The following HLCS variants were observed in gnomAD, a reference collection of about 807,000 sequenced individuals.
The protein encoded by HLCS is biotin--protein ligase.
Under a neutral mutation model 75.0 loss-of-function variants are expected in HLCS, and 53 were observed. The ratio of observed to expected loss-of-function variants is 0.71; its 90% confidence interval spans 0.57 to 0.89. The LOEUF is 0.89. Ranked by LOEUF, HLCS falls within the 40% of genes least tolerant of loss-of-function variation. The probability of loss-of-function intolerance (pLI) is 0.00; values close to 1 mark genes in which losing one functional copy is unlikely to be tolerated. For missense variants in HLCS, 966 were observed against 1,074.0 expected, an observed-to-expected ratio of 0.90 and a Z score of 1.41; for synonymous variants, 431 against 428.6, an observed-to-expected ratio of 1.01 and a Z score of -0.07.
At chr21:36,870,133 G>A (rs953400591) in intron 6 of HLCS, among the ~76,000 whole-genome samples, 7 of 152,146 alleles carry the variant, frequency 4.6e-5, no homozygotes, top group African/African-American at 1.2e-4. Context: ...TGTCAGCAGC[G>A]AAACCTGGTT....
chr21:36,877,439 T>C (rs1160993005), intron 6 of HLCS, among the ~76,000 whole-genome samples: 1 of 152,172 alleles, frequency 6.6e-6, no homozygotes, highest in Non-Finnish European at 1.5e-5. Context: ...GGGATTACAA[T>C]GTACATCCTT....
intron 6 of HLCS, among the ~76,000 whole-genome samples, chr21:36,787,682 C>T (rs1601247039): frequency 6.6e-6 from 1 of 152,122 alleles, no homozygotes; most frequent in African/African-American, 2.4e-5. Flanking sequence ...CACAACCAGG[C>T]GCTGCTTCCT....
Position 36,841,771 on chromosome 21 carries a change from T to C in HLCS, c.1892+55089A>G, listed in dbSNP as rs1357443669. On this transcript the variant is annotated intron_variant, in intron 6 of 10. Coordinates refer to ENST00000674895, the MANE Select transcript of HLCS (RefSeq NM_001352514.2). ...ACGTGAGCTATGTTCCTCAACTGGC[T>C]GGGCTCTGTTCTGCAGCCACAGGGT... 2.0e-5 allele frequency among the ~76,000 whole-genome samples: 3 copies of C among 152,226 alleles called. No homozygotes were observed. The East Asian group carries it at 5.8e-4, about 29-fold the overall frequency.
At chr21:36,848,655 T>C (rs902489805) in intron 6 of HLCS, among the ~76,000 whole-genome samples, 5 of 152,238 alleles carry the variant, frequency 3.3e-5, no homozygotes, top group Admixed American at 2.0e-4. Flanking sequence ...ACCTGTTTCA[T>C]AGTGCTGCTT....
At chr21:36,801,995 C>G (rs999934717) in intron 6 of HLCS, among the ~76,000 whole-genome samples, 2 of 151,992 alleles carry the variant, frequency 1.3e-5, no homozygotes, top group South Asian at 4.1e-4. Context: ...TCTTTAATAA[C>G]AATATTCATA....
chr21:36,802,211 G>A (rs2061225624), intron 6 of HLCS, among the ~76,000 whole-genome samples: 1 of 152,154 alleles, frequency 6.6e-6, no homozygotes, highest in Admixed American at 6.5e-5. Flanking sequence ...AACTTGGGAT[G>A]CCGCCATTTT....
At chr21:36,767,437 G>A in intron 6 of HLCS, 152 bp from the exon 7 acceptor site, 1 of 743,612 alleles carries the variant, frequency 1.3e-6, no homozygotes, top group Non-Finnish European at 2.5e-6. Context: ...GGAATGTGGA[G>A]CCATGAGGGA....
At chr21:36,891,846 C>G (rs1262687817) in intron 6 of HLCS, among the ~76,000 whole-genome samples, 1 of 152,108 alleles carries the variant, frequency 6.6e-6, no homozygotes, top group Non-Finnish European at 1.5e-5. Flanking sequence ...TCCCTGCAGC[C>G]CCAGCAGGAG....
At chr21:36,785,678 C>T (rs1260503334) in intron 6 of HLCS, among the ~76,000 whole-genome samples, 1 of 152,136 alleles carries the variant, frequency 6.6e-6, no homozygotes, top group Non-Finnish European at 1.5e-5. Flanking sequence ...GCTTCCGTGT[C>T]CACTTGGATT....
chr21:36,857,804 T>G (rs1318390023), intron 6 of HLCS, among the ~76,000 whole-genome samples: 3 of 152,204 alleles, frequency 2.0e-5, no homozygotes, highest in Admixed American at 6.5e-5. Flanking sequence ...TGTTGTTGTT[T>G]TTTGAGATGG....
chr21:36,772,793 G>A (rs1374384998), intron 6 of HLCS, among the ~76,000 whole-genome samples: 2 of 152,062 alleles, frequency 1.3e-5, no homozygotes, highest in Non-Finnish European at 2.9e-5. Context: ...GACCATCCTG[G>A]CCAACAGAGT....
rs542220353 is a variant in HLCS, at chr21:36,881,000, TCTCA to T, written c.1892+15856_1892+15859del. 1.9e-3 allele frequency among the ~76,000 whole-genome samples: 282 copies of T among 151,846 alleles called. 2 individuals are homozygous for T. The highest frequency in any genetic ancestry group is 6.3e-3 in the African/African-American group (262 of 41,318). ...TTTGTTTGTTTGTTTTGAGATAGAG[TCTCA>T]CTGTCACCCAGGCTGGAGTGCAGTG... On this transcript the variant is annotated intron_variant, in intron 6 of 10. Transcript: ENST00000674895.
chr21:36,901,992 C>T (rs551077220), intron 5 of HLCS, among the ~76,000 whole-genome samples: 2 of 152,012 alleles, frequency 1.3e-5, no homozygotes, highest in South Asian at 2.1e-4. Context: ...GCGGTGGTTG[C>T]GGGAGTCTCC....
intron 5 of HLCS, among the ~76,000 whole-genome samples, chr21:36,911,711 T>C (rs1279607218): frequency 3.9e-5 from 5 of 127,520 alleles, no homozygotes; most frequent in South Asian, 2.5e-4. Flanking sequence ...ATCGCGCCAC[T>C]GCACTCCAGC....
intron 10 of HLCS, among the ~76,000 whole-genome samples, chr21:36,755,650 T>A (rs888600525): frequency 6.6e-6 from 1 of 152,254 alleles, no homozygotes; most frequent in African/African-American, 2.4e-5. Context: ...CATGCCTCTT[T>A]CGTCTTCTCT....
chr21:36,768,207 T>C (rs890951902), intron 6 of HLCS, among the ~76,000 whole-genome samples: 6 of 152,312 alleles, frequency 3.9e-5, no homozygotes, highest in Middle Eastern at 3.4e-3. Context: ...GGGGGCCTCT[T>C]TGATTTTTTT....
chr21:36,772,778 A>T (rs2060247540), intron 6 of HLCS, among the ~76,000 whole-genome samples: 1 of 152,092 alleles, frequency 6.6e-6, no homozygotes, highest in Admixed American at 6.6e-5. Flanking sequence ...AGGTCAAGAG[A>T]TCGAGACCAT....
In HLCS at chr21:36,878,145, T is replaced by A. The variant is rs1384591887; in HGVS notation, c.1892+18715A>T. On this transcript the variant is annotated intron_variant, in intron 6 of 10. Coordinates refer to ENST00000674895, the MANE Select transcript of HLCS (RefSeq NM_001352514.2). The stretch of plus-strand genomic sequence containing the variant: ...TGTCTTCTGCCAAACTGAGGGAACA[T>A]CTGGCCATCATTTTTTCAAATTTTT... Among the ~76,000 whole-genome samples the A allele has an allele frequency of 4.6e-5, 7 of 152,222 alleles. No homozygotes were observed. In the South Asian group the frequency reaches 1.2e-3, roughly 27 times the overall value.
At chr21:36,956,150 G>A (rs1373015142) in intron 2 of HLCS, among the ~76,000 whole-genome samples, 2 of 152,084 alleles carry the variant, frequency 1.3e-5, no homozygotes, top group East Asian at 1.9e-4. Context: ...GTTCAAAAAC[G>A]TGGTGTCTGT....
Sources: gnomAD v4.1 joint callset for allele counts (sites outside exome capture counted in the v4.1 genomes callset) on GRCh38, gnomAD v4.1.1 for gene constraint, MANE v1.5 for transcripts, NCBI Gene and HGNC (gene_info 2026-07-23, HGNC 2026-07-21) for gene names.